The following KCNT2 variants were observed in gnomAD, a reference collection of about 807,000 sequenced individuals.
KCNT2 encodes the protein potassium channel subfamily T member 2.
In KCNT2, 67 loss-of-function variants were observed where a neutral mutation model predicts 153.8. That is an observed-to-expected ratio of 0.44 (90% CI 0.36 to 0.53). The LOEUF (loss-of-function observed/expected upper bound fraction) is 0.53, where lower values mean the gene tolerates loss of function less well. KCNT2 is among the 20% of genes least tolerant of loss of function. The pLI is 0.00. For synonymous variants in KCNT2, 500 were observed against 458.8 expected, an observed-to-expected ratio of 1.09 and a Z score of -1.15; for missense variants, 975 against 1,354.8, an observed-to-expected ratio of 0.72 and a Z score of 4.40.
chr1:196,471,858 A>T (rs1013639526), intron 5 of KCNT2, among the ~76,000 whole-genome samples: 1 of 152,184 alleles, frequency 6.6e-6, no homozygotes, highest in Non-Finnish European at 1.5e-5. Context: ...TAAAATGCCA[A>T]ATTCCCATTG....
intron 8 of KCNT2, among the ~76,000 whole-genome samples, chr1:196,431,671 T>C (rs931454996): frequency 4.6e-5 from 7 of 152,074 alleles, no homozygotes; most frequent in South Asian, 2.1e-4. Context: ...GCAGAAGAAA[T>C]CTCTAAGCAA....
chr1:196,367,054 G>A (rs978448086), intron 14 of KCNT2, among the ~76,000 whole-genome samples: 2 of 152,156 alleles, frequency 1.3e-5, no homozygotes, highest in East Asian at 1.9e-4. Flanking sequence ...TTTGCAACAC[G>A]CCTACTACAA....
chr1:196,256,799 T>C (rs1338172351), intron 26 of KCNT2, among the ~76,000 whole-genome samples: 3 of 151,486 alleles, frequency 2.0e-5, no homozygotes, highest in Admixed American at 6.6e-5. Flanking sequence ...AGCAATTCCA[T>C]CTTGAATAGG....
intron 8 of KCNT2, among the ~76,000 whole-genome samples, chr1:196,452,596 C>T (rs758694991): frequency 2.0e-5 from 3 of 151,950 alleles, no homozygotes; most frequent in African/African-American, 4.8e-5. Flanking sequence ...AATTTCCTGT[C>T]TGTCTTGTCA....
intron 14 of KCNT2, among the ~76,000 whole-genome samples, chr1:196,356,320 T>A (rs1283201587): frequency 6.6e-6 from 1 of 151,778 alleles, no homozygotes; most frequent in African/African-American, 2.4e-5. Context: ...TGTCTATTAA[T>A]CAGACTATTG....
chr1:196,365,443 A>C (rs1419652559), intron 14 of KCNT2, among the ~76,000 whole-genome samples: 1 of 152,176 alleles, frequency 6.6e-6, no homozygotes, highest in African/African-American at 2.4e-5. Context: ...CTTGAAAATA[A>C]AAAGGTTCAA....
rs77955628 is a variant in KCNT2 at position 196,236,454 on chromosome 1, A to C, written c.3212-384T>G. Among the ~76,000 whole-genome samples, 663 of 151,646 alleles carry C rather than the reference A, an allele frequency of 4.4e-3. 2 individuals carry two copies. Among genetic ancestry groups the C allele is most frequent in the South Asian group, 0.028 (137 of 4,832 alleles). The stretch of plus-strand genomic sequence containing the variant: ...TTATAGATAACAATCCTAGAAAAGA[A>C]TATCCACACAGGAAATTCTTGGGAA... On this transcript the variant is annotated intron_variant, in intron 26 of 27. Coordinates refer to ENST00000294725, the MANE Select transcript of KCNT2 (RefSeq NM_198503.5).
chr1:196,381,115 A>G (rs558426124), intron 13 of KCNT2, among the ~76,000 whole-genome samples: 1 of 152,336 alleles, frequency 6.6e-6, no homozygotes, highest in South Asian at 2.1e-4. Context: ...TTTCAATAAC[A>G]CAAGTAAAAA....
intron 8 of KCNT2, among the ~76,000 whole-genome samples, chr1:196,431,499 A>C (rs1674145723): frequency 6.6e-6 from 1 of 152,100 alleles, no homozygotes; most frequent in African/African-American, 2.4e-5. Flanking sequence ...TACCGACGGT[A>C]ACGGCCTTTC....
At chr1:196,359,429 G>T (rs556888337) in intron 14 of KCNT2, among the ~76,000 whole-genome samples, 1 of 151,958 alleles carries the variant, frequency 6.6e-6, no homozygotes, top group African/African-American at 2.4e-5. Context: ...TCATGAGAGA[G>T]AGCAGATAAA....
chr1:196,497,518 A>C (rs1472990984), intron 1 of KCNT2, among the ~76,000 whole-genome samples: 1 of 152,124 alleles, frequency 6.6e-6, no homozygotes, highest in Non-Finnish European at 1.5e-5. Context: ...TATTATGCAA[A>C]TCTTATGCCA....
At chr1:196,323,894 A>AT (rs1219809164) in intron 19 of KCNT2, among the ~76,000 whole-genome samples, 6 of 150,938 alleles carry the variant, frequency 4.0e-5, no homozygotes, top group South Asian at 2.1e-4. Context: ...AGAAAGCCTC[A>AT]TTTTTTTTGT....
rs77333580 is a variant in KCNT2 at position 196,466,526 on chromosome 1, G to T, written c.544-1139C>A. 4.6e-3 allele frequency among the ~76,000 whole-genome samples: 694 copies of T among 151,982 alleles called. 3 individuals are homozygous for T. Among genetic ancestry groups the T allele is most frequent in the African/African-American group, 0.016 (665 of 41,478 alleles). On this transcript the variant is annotated intron_variant, in intron 7 of 27. Transcript: ENST00000294725. Reference sequence around the variant, plus strand: ...ACCCATTTAAATGGAAAATAACTTTGCCTCCAAACAAGTATAATTTTCAAT... The same window carrying T: ...ACCCATTTAAATGGAAAATAACTTTTCCTCCAAACAAGTATAATTTTCAAT...
Position 196,563,537 on chromosome 1 carries a change from C to T in KCNT2, c.95+44678G>A, listed in dbSNP as rs377524853. ...AACTCATCTTATGAAACCAACATTA[C>T]CTTCATACCAAAAATAGACAAAGAA... On this transcript the variant is annotated intron_variant, in intron 1 of 27. Coordinates refer to ENST00000294725, the MANE Select transcript of KCNT2 (RefSeq NM_198503.5). Among the ~76,000 whole-genome samples, 7 of 149,672 alleles carry T rather than the reference C, an allele frequency of 4.7e-5. No individual in the cohort carries two copies. In the South Asian group the frequency reaches 1.5e-3, roughly 31 times the overall value.
chr1:196,398,176 G>A (rs74136532), intron 13 of KCNT2, among the ~76,000 whole-genome samples: 3,019 of 151,434 alleles, frequency 0.02, 89 homozygotes, highest in African/African-American at 0.069. Context: ...GCCTATGTGT[G>A]TATTAAACAA....
At chr1:196,603,447 T>A (rs1170427656) in intron 1 of KCNT2, among the ~76,000 whole-genome samples, 1 of 152,180 alleles carries the variant, frequency 6.6e-6, no homozygotes, top group East Asian at 1.9e-4. Flanking sequence ...GTTTAATATG[T>A]CAATACAAAA....
rs1196807945 is a variant in KCNT2, at chr1:196,389,226, G to C, written c.1294+9337C>G. 2.6e-5 allele frequency among the ~76,000 whole-genome samples: 4 copies of C among 151,670 alleles called. No homozygotes were observed. The Admixed American group carries it at 2.6e-4, about 10-fold the overall frequency. ...TGTTCTTTCTGTATATTACTGAATT[G>C]GATTTGCTACTGATTTGTTGGAAGA... On this transcript the variant is annotated intron_variant, in intron 13 of 27. Transcript: ENST00000294725.
chr1:196,297,136 A>G (rs1358812233), intron 22 of KCNT2, among the ~76,000 whole-genome samples: 1 of 149,818 alleles, frequency 6.7e-6, no homozygotes, highest in Admixed American at 6.7e-5. Flanking sequence ...CTTTCTGTAG[A>G]TGTGTGTGTG....
chr1:196,481,595 G>A (rs186595914), intron 4 of KCNT2, among the ~76,000 whole-genome samples: 2 of 152,022 alleles, frequency 1.3e-5, no homozygotes, highest in Admixed American at 6.6e-5. Context: ...CTATTCTTCC[G>A]ATTAATTTGT....
Sources: gnomAD v4.1 joint callset for allele counts (sites outside exome capture counted in the v4.1 genomes callset) on GRCh38, gnomAD v4.1.1 for gene constraint, MANE v1.5 for transcripts, NCBI Gene and HGNC (gene_info 2026-07-23, HGNC 2026-07-21) for gene names.